Variants in DCAF8L2 observed in about 807,000 individuals in gnomAD.
DCAF8L2 encodes DDB1 and CUL4 associated factor 8 like 2.
For missense variants in DCAF8L2, 430 were observed against 490.7 expected (o/e 0.88, Z 1.17); for synonymous variants, 200 against 190.9 (o/e 1.05, Z -0.39).
At chrX:27,648,191 T>C (rs989125213) in intron 2 of DCAF8L2, among the ~76,000 whole-genome samples, 3 of 110,853 alleles carry the variant, frequency 2.7e-5, no homozygotes, top group African/African-American at 9.8e-5. Flanking sequence ...AACTTAGATA[T>C]TGAAATTAGC....
the DCAF8L2 span, among the ~76,000 whole-genome samples, chrX:27,533,238 A>AAG: frequency 5.9e-5 from 5 of 84,387 alleles, no homozygotes; most frequent in Non-Finnish European, 9.9e-5. Flanking sequence ...AAGAAAGAGA[A>AAG]AGAAAGAAAG....
At chrX:27,475,324 C>T in the DCAF8L2 span, among the ~76,000 whole-genome samples, 52 of 112,009 alleles carry the variant, frequency 4.6e-4, no homozygotes, top group African/African-American at 1.6e-3. Flanking sequence ...GTTACTAATT[C>T]ACTTTTCAAA....
At chrX:27,492,896 T>C in the DCAF8L2 span, among the ~76,000 whole-genome samples, 23,404 of 111,460 alleles carry the variant, frequency 0.21, 2,268 homozygotes, top group East Asian at 0.37. Flanking sequence ...AAAACACTTG[T>C]TGTTTTCTAT....
chrX:27,502,335 A>AAAAAAAAAAATATATATAT, the DCAF8L2 span, among the ~76,000 whole-genome samples: 1 of 12,718 alleles, frequency 7.9e-5, no homozygotes, highest in Non-Finnish European at 1.5e-4. Context: ...AAAAAAAAAA[A>AAAAAAAAAAATATATATAT]ATATATATAT....
the DCAF8L2 span, among the ~76,000 whole-genome samples, chrX:27,533,164 GAGAAAGAAAGAAAGAAAGAA>G: frequency 2.8e-3 from 48 of 17,353 alleles, 2 homozygotes; most frequent in South Asian, 0.013. Flanking sequence ...GAGAGAGAGA[GAGAAAGAAAGAAAGAAAGAA>G]AGAAAGAAAG....
intron 3 of DCAF8L2, among the ~76,000 whole-genome samples, chrX:27,680,133 A>G (rs1930273346): frequency 9.0e-6 from 1 of 111,529 alleles, no homozygotes; most frequent in Non-Finnish European, 1.9e-5. Context: ...CCTAGATCCT[A>G]CTGCAAAAAG....
the DCAF8L2 span, among the ~76,000 whole-genome samples, chrX:27,568,287 AG>A: frequency 1.8e-5 from 2 of 111,792 alleles, no homozygotes; most frequent in East Asian, 5.6e-4. Flanking sequence ...TCTTGGAGAC[AG>A]GTTTTTTTTC....
At chrX:27,544,561 A>G in the DCAF8L2 span, among the ~76,000 whole-genome samples, 1 of 112,058 alleles carries the variant, frequency 8.9e-6, no homozygotes, top group Non-Finnish European at 1.9e-5. Context: ...TTTGGAGTGA[A>G]TAAAACCTTA....
intron 1 of DCAF8L2, among the ~76,000 whole-genome samples, chrX:27,596,332 C>T (rs931685880): frequency 1.8e-5 from 2 of 111,147 alleles, no homozygotes; most frequent in Non-Finnish European, 3.8e-5. Context: ...AAATTCGTAT[C>T]CCTTAACTCT....
intron 3 of DCAF8L2, among the ~76,000 whole-genome samples, chrX:27,714,618 G>T (rs918796214): frequency 2.7e-5 from 3 of 111,743 alleles, no homozygotes; most frequent in Non-Finnish European, 5.6e-5. Context: ...TACTTCTATG[G>T]CAGCCAACAT....
At chrX:27,541,731 A>G in the DCAF8L2 span, among the ~76,000 whole-genome samples, 2 of 110,789 alleles carry the variant, frequency 1.8e-5, no homozygotes, top group Non-Finnish European at 3.8e-5. Context: ...CATATGCAGG[A>G]TTGTTACATG....
chrX:27,736,780 T>C (rs1338371146), intron 4 of DCAF8L2, among the ~76,000 whole-genome samples: 2 of 111,795 alleles, frequency 1.8e-5, no homozygotes, highest in African/African-American at 3.3e-5. Flanking sequence ...TTGAGGGTGG[T>C]CTCTGAGACC....
the DCAF8L2 span, among the ~76,000 whole-genome samples, chrX:27,552,336 C>G: frequency 9.1e-6 from 1 of 110,244 alleles, no homozygotes; most frequent in Non-Finnish European, 1.9e-5. Context: ...TGTTTGTTGC[C>G]TGTGTTTTTG....
the DCAF8L2 span, among the ~76,000 whole-genome samples, chrX:27,523,767 G>A: frequency 3.7e-5 from 4 of 108,359 alleles, no homozygotes; most frequent in Admixed American, 1.0e-4. Flanking sequence ...TCTCTCCCCC[G>A]TCCCCCCACC....
chrX:27,694,780 T>C (rs1455274719), intron 3 of DCAF8L2, among the ~76,000 whole-genome samples: 1 of 111,898 alleles, frequency 8.9e-6, no homozygotes, highest in East Asian at 2.8e-4. Context: ...TGAATTAGAT[T>C]GGAGATAGTC....
the DCAF8L2 span, among the ~76,000 whole-genome samples, chrX:27,515,369 T>C: frequency 8.9e-6 from 1 of 112,103 alleles, no homozygotes; most frequent in African/African-American, 3.2e-5. Flanking sequence ...ATAATTGGTT[T>C]AATCTCTTTG....
chrX:27,741,021 G>C (rs1301189570), intron 4 of DCAF8L2, among the ~76,000 whole-genome samples: 2 of 111,648 alleles, frequency 1.8e-5, no homozygotes, highest in Non-Finnish European at 3.8e-5. Context: ...ATAAATGCAC[G>C]GTGGATTAAT....
chrX:27,712,583 A>G (rs1388149593), intron 3 of DCAF8L2: 1 of 111,595 alleles, frequency 9.0e-6, no homozygotes, highest in African/African-American at 3.3e-5. Flanking sequence ...TGACTACCAG[A>G]AACATTTCTA....
the DCAF8L2 span, among the ~76,000 whole-genome samples, chrX:27,576,647 C>T: frequency 1.8e-5 from 2 of 111,463 alleles, no homozygotes; most frequent in Non-Finnish European, 3.8e-5. Context: ...TTAAAATTTA[C>T]CTCAAATAAG....
Sources: allele counts gnomAD v4.1 joint callset (sites outside exome capture counted in the v4.1 genomes callset), GRCh38; gene constraint gnomAD v4.1.1; transcripts MANE v1.5; gene names NCBI Gene and HGNC (gene_info 2026-07-23, HGNC 2026-07-21).